The following VKORC1L1 variants were observed in gnomAD, a reference collection of about 807,000 sequenced individuals.
VKORC1L1 encodes the protein vitamin K epoxide reductase complex subunit 1-like protein 1.
In VKORC1L1, 2 loss-of-function variants were observed where a neutral mutation model predicts 18.9. The observed-to-expected ratio is 0.11, with a 90% CI of 0.04 to 0.33. VKORC1L1 has a LOEUF of 0.33. VKORC1L1 is among the 10% of genes least tolerant of loss of function. The pLI, the probability that VKORC1L1 is intolerant of heterozygous loss-of-function variation, is 1.00. For missense variants in VKORC1L1, 123 were observed against 224.1 expected (o/e 0.55, Z 2.88); for synonymous variants, 96 against 100.0 (o/e 0.96, Z 0.24).
chr7:65,879,273 C>G (rs1435652522), intron 1 of VKORC1L1, among the ~76,000 whole-genome samples: 1 of 151,900 alleles, frequency 6.6e-6, no homozygotes, highest in Non-Finnish European at 1.5e-5. Context: ...TTTGACTAAC[C>G]AAGATAAATT....
intron 1 of VKORC1L1, among the ~76,000 whole-genome samples, chr7:65,878,631 G>A (rs766176417): frequency 1.1e-4 from 16 of 151,278 alleles, no homozygotes; most frequent in South Asian, 2.1e-4. Context: ...TTGGCTGGAC[G>A]CAGTGGCTCA....
intron 1 of VKORC1L1, among the ~76,000 whole-genome samples, chr7:65,895,512 T>TACAC (rs1439632666): frequency 1.1e-3 from 84 of 73,874 alleles, no homozygotes; most frequent in Middle Eastern, 8.8e-3. Flanking sequence ...TATATATATA[T>TACAC]ATATACACAC....
At chr7:65,898,420 A>T (rs1255775585) in intron 1 of VKORC1L1, among the ~76,000 whole-genome samples, 1 of 152,136 alleles carries the variant, frequency 6.6e-6, no homozygotes, top group Non-Finnish European at 1.5e-5. Flanking sequence ...GCAGTTGTAT[A>T]TGAAGTAATT....
intron 1 of VKORC1L1, among the ~76,000 whole-genome samples, chr7:65,925,792 G>A (rs1224520460): frequency 6.6e-6 from 1 of 151,984 alleles, no homozygotes; most frequent in Non-Finnish European, 1.5e-5. Flanking sequence ...ATACCCTTAG[G>A]AAACCCCAAG....
At chr7:65,919,439 AT>A in intron 1 of VKORC1L1, among the ~76,000 whole-genome samples, 1 of 152,322 alleles carries the variant, frequency 6.6e-6, no homozygotes, top group Middle Eastern at 3.4e-3. Context: ...CTGATCCTGA[AT>A]TCCTGGTCTC....
At position 65,918,866 on chromosome 7, in the gene VKORC1L1, A is replaced by C. The variant is rs377014658; in HGVS notation, c.195-29805A>C. ...TCCCAGCACTTTGGGAGGCTGAGGCAGGCAGATCACTTGAGGCCAAGAGTT... is the reference window on the plus strand; with the variant it reads ...TCCCAGCACTTTGGGAGGCTGAGGCCGGCAGATCACTTGAGGCCAAGAGTT... On this transcript the variant is annotated intron_variant, in intron 1 of 2. Coordinates refer to ENST00000360768, the MANE Select transcript of VKORC1L1 (RefSeq NM_173517.6). Among the ~76,000 whole-genome samples the C allele has an allele frequency of 9.9e-5, 15 of 152,228 alleles. No individual in the cohort carries two copies. In the South Asian group the frequency reaches 3.1e-3, roughly 32 times the overall value.
intron 1 of VKORC1L1, among the ~76,000 whole-genome samples, chr7:65,929,467 G>A (rs796932029): frequency 5.3e-5 from 8 of 152,076 alleles, no homozygotes; most frequent in African/African-American, 1.9e-4. Flanking sequence ...CTTCTCTGCT[G>A]ATCATTGTGT....
intron 1 of VKORC1L1, among the ~76,000 whole-genome samples, chr7:65,928,740 C>G (rs1789808086): frequency 6.6e-6 from 1 of 152,086 alleles, no homozygotes; most frequent in Non-Finnish European, 1.5e-5. Flanking sequence ...TTTTGCTTCT[C>G]TTGAGTAAAT....
chr7:65,879,770 TCTTC>T (rs938705373), intron 1 of VKORC1L1, among the ~76,000 whole-genome samples: 6 of 151,954 alleles, frequency 3.9e-5, no homozygotes, highest in Non-Finnish European at 7.4e-5. Flanking sequence ...TATTTTTCCT[TCTTC>T]CTTCCTCCTT....
chr7:65,895,453 GAAAAAAAAAAAAA>G (rs1167891625), intron 1 of VKORC1L1, among the ~76,000 whole-genome samples: 9 of 26,664 alleles, frequency 3.4e-4, no homozygotes, highest in South Asian at 2.9e-3. Context: ...CCATCTGTGA[GAAAAAAAAAAAAA>G]AAAAAAAAAA....
At chr7:65,872,161 C>T (rs1788733844), upstream of VKORC1L1, among the ~76,000 whole-genome samples, 2 of 152,110 alleles carry the variant, frequency 1.3e-5, no homozygotes, top group Non-Finnish European at 2.9e-5. Flanking sequence ...GCCCCTATGG[C>T]CTGCTTATCT....
At chr7:65,944,700 T>C in intron 1 of VKORC1L1, among the ~76,000 whole-genome samples, 1 of 151,978 alleles carries the variant, frequency 6.6e-6, no homozygotes, top group East Asian at 1.9e-4. Context: ...GTGGAATGCC[T>C]GAGCTCAGGA....
intron 1 of VKORC1L1, among the ~76,000 whole-genome samples, chr7:65,881,957 G>A (rs1276368866): frequency 6.6e-6 from 1 of 151,938 alleles, no homozygotes; most frequent in Non-Finnish European, 1.5e-5. Context: ...GTGGGTGCCT[G>A]TAGTCTGAGC....
intron 1 of VKORC1L1, among the ~76,000 whole-genome samples, chr7:65,944,087 A>C (rs927521274): frequency 6.6e-6 from 1 of 152,116 alleles, no homozygotes; most frequent in African/African-American, 2.4e-5. Context: ...ACAAAAAATT[A>C]GCCAGGTGTG....
In VKORC1L1 at chr7:65,954,151, G is replaced by A. The variant is rs1790255344; in HGVS notation, c.382G>A (p.Ala128Thr). The change falls in exon 3 of 3, where the codon GCC (alanine) becomes ACC (threonine). Residue 128 changes from alanine (A) to threonine (T), a missense_variant. Physicochemically the swap from Ala to Thr is moderately conservative, Grantham distance 58. Around this residue, in one of 4 missense-constraint regions of VKORC1L1, gnomAD observed 41 missense variants for 61.6 expected, o/e 0.67. Transcript: ENST00000360768. ...IMSVVGSLYL[A>T]YILYFVLKEF... ...GTCGGTCGTGGGGTCCCTGTACCTG[G>A]CCTACATTCTGTACTTTGTGCTGAA... 6.2e-7 allele frequency: 1 copy of A among 1,613,648 alleles called. No homozygotes were observed. Among genetic ancestry groups the A allele is most frequent in the South Asian group, 1.1e-5 (1 of 91,076 alleles).
chr7:65,925,640 A>C lies in VKORC1L1; in HGVS notation c.195-23031A>C, dbSNP rs138205004. Among the ~76,000 whole-genome samples the C allele has an allele frequency of 1.6e-4, 25 of 152,290 alleles. No individual in the cohort carries two copies. In the East Asian group the frequency reaches 4.6e-3, roughly 28 times the overall value. ...AGCAGTAAGGGCTTTGAGGTTCTCT[A>C]TATGTTAGGTTGGTGCAAAACTTCA... On this transcript the variant is annotated intron_variant, in intron 1 of 2. Transcript: ENST00000360768.
chr7:65,917,165 C>T (rs987536391), intron 1 of VKORC1L1, among the ~76,000 whole-genome samples: 97 of 152,204 alleles, frequency 6.4e-4, no homozygotes, highest in African/African-American at 2.2e-3. Context: ...TACTTTCTCA[C>T]AACTCTTTTT....
At position 65,915,439 on chromosome 7, in the gene VKORC1L1, C is replaced by G. The variant is rs532687106; in HGVS notation, c.195-33232C>G. Among the ~76,000 whole-genome samples, 6 of 146,580 alleles carry G rather than the reference C, an allele frequency of 4.1e-5. No individual in the cohort carries two copies. The South Asian group carries it at 1.1e-3, about 26-fold the overall frequency. ...CTTTTTTTTTTTTTTTAGATGGAGT[C>G]TTGCTCTGCCACCGAGGCTGGAGTG... On this transcript the variant is annotated intron_variant, in intron 1 of 2. Transcript: ENST00000360768.
intron 1 of VKORC1L1, among the ~76,000 whole-genome samples, chr7:65,922,757 T>C (rs1583850944): frequency 1.3e-5 from 2 of 152,234 alleles, no homozygotes; most frequent in East Asian, 3.9e-4. Flanking sequence ...CTGTTGGTAT[T>C]AGCTGTCAGT....
Sources: gnomAD v4.1 joint callset for allele counts (sites outside exome capture counted in the v4.1 genomes callset) on GRCh38, gnomAD v4.1.1 for gene constraint, gnomAD v4.1.1 regional missense constraint, MANE v1.5 for transcripts, NCBI Gene and HGNC (gene_info 2026-07-23, HGNC 2026-07-21) for gene names.